Variants in OSBPL9 observed in about 807,000 individuals in gnomAD.
OSBPL9 encodes the protein oxysterol binding protein like 9.
A neutral mutation model predicts 106.6 loss-of-function variants in OSBPL9; 40 were observed. The observed-to-expected ratio is 0.38, with a 90% CI of 0.29 to 0.49. The LOEUF (loss-of-function observed/expected upper bound fraction) is 0.49, where lower values mean the gene tolerates loss of function less well. Ranked by LOEUF, OSBPL9 falls within the 20% of genes least tolerant of loss-of-function variation. The pLI, the probability that OSBPL9 is intolerant of heterozygous loss-of-function variation, is 0.97. For synonymous variants in OSBPL9, 269 were observed against 295.4 expected, an observed-to-expected ratio of 0.91 and a Z score of 0.92; for missense variants, 609 against 887.2, an observed-to-expected ratio of 0.69 and a Z score of 3.98.
chr1:51,637,059 A>T (rs1228597690), intron 1 of OSBPL9, among the ~76,000 whole-genome samples: 1 of 152,208 alleles, frequency 6.6e-6, no homozygotes, highest in Non-Finnish European at 1.5e-5. Context: ...GACTTAAATT[A>T]ACCAGGTTTA....
At chr1:51,577,150 A>G (rs1424694515), upstream of OSBPL9, 1 of 151,800 alleles carries the variant, frequency 6.6e-6, no homozygotes, top group East Asian at 1.9e-4. Context: ...TCACCATGTG[A>G]CGTACCTGCT....
intron 4 of OSBPL9, among the ~76,000 whole-genome samples, chr1:51,732,380 T>G (rs978992026): frequency 6.6e-6 from 1 of 152,184 alleles, no homozygotes. Context: ...GAAAAAAGAC[T>G]TTGTGATTAC....
At chr1:51,676,923 A>C (rs74703515) in intron 3 of OSBPL9, among the ~76,000 whole-genome samples, 8 of 152,322 alleles carry the variant, frequency 5.3e-5, no homozygotes, top group Non-Finnish European at 1.0e-4. Context: ...GCTACTACCA[A>C]ATATCTGTTA....
Position 51,588,159 on chromosome 1 carries a change from G to A in OSBPL9, c.-422-9965G>A, listed in dbSNP as rs1645256846. On this transcript the variant is annotated intron_variant, in intron 1 of 25. Coordinates refer to the OSBPL9 transcript ENST00000371714. ...GCACTTTGGGAGGCCGAGGTGGGCA[G>A]GTCACCTGAGGTCAGGAGTTCGAGA... Among the ~76,000 whole-genome samples, 3 of 152,152 alleles carry A rather than the reference G, an allele frequency of 2.0e-5. No individual in the cohort carries two copies. The South Asian group carries it at 6.2e-4, about 31-fold the overall frequency.
chr1:51,602,672 CTGGG>C (rs1645330369), intron 2 of OSBPL9, among the ~76,000 whole-genome samples: 1 of 151,956 alleles, frequency 6.6e-6, no homozygotes, highest in African/African-American at 2.4e-5. Flanking sequence ...TCTCAAACTC[CTGGG>C]CTCAAGGGAT....
At chr1:51,710,651 T>A (rs957002425) in intron 3 of OSBPL9, among the ~76,000 whole-genome samples, 13 of 152,254 alleles carry the variant, frequency 8.5e-5, no homozygotes, top group African/African-American at 2.9e-4. Flanking sequence ...GAATTCTAAA[T>A]TGACAGTTAC....
At chr1:51,531,425 G>C in the OSBPL9 span, among the ~76,000 whole-genome samples, 2 of 152,292 alleles carry the variant, frequency 1.3e-5, no homozygotes, top group East Asian at 3.9e-4. Context: ...TTGGTGGTGA[G>C]AGGTGGTAAG....
At chr1:51,741,942 A>G (rs1453471025) in intron 4 of OSBPL9, among the ~76,000 whole-genome samples, 1 of 152,208 alleles carries the variant, frequency 6.6e-6, no homozygotes, top group Non-Finnish European at 1.5e-5. Context: ...CCCTTCAGTT[A>G]CTACTGAAGG....
rs1194828849 is a variant in OSBPL9, at chr1:51,685,483, CT to C, written c.241+15972del. 6.6e-5 allele frequency among the ~76,000 whole-genome samples: 10 copies of C among 152,192 alleles called. No individual in the cohort carries two copies. The South Asian group carries it at 2.1e-3, about 32-fold the overall frequency. Reference sequence around the variant, plus strand: ...AGTATAGTGGCATGATCTTGGCTCACTGCAACCTCCACCTCCAGGGTTCAAG... The same window carrying C: ...AGTATAGTGGCATGATCTTGGCTCACGCAACCTCCACCTCCAGGGTTCAAG... On this transcript the variant is annotated intron_variant, in intron 3 of 23. Transcript: ENST00000428468.
chr1:51,652,580 A>G (rs1646583365), intron 2 of OSBPL9, among the ~76,000 whole-genome samples: 1 of 152,244 alleles, frequency 6.6e-6, no homozygotes, highest in Non-Finnish European at 1.5e-5. Flanking sequence ...AAATATTGTT[A>G]TTTTAACATG....
At chr1:51,580,838 C>T (rs562994704) in intron 1 of OSBPL9, among the ~76,000 whole-genome samples, 103 of 136,812 alleles carry the variant, frequency 7.5e-4, no homozygotes, top group Non-Finnish European at 1.3e-3. Flanking sequence ...TGATACCTAC[C>T]GCTCAGAGAT....
At chr1:51,683,877 T>C (rs1272443798) in intron 3 of OSBPL9, among the ~76,000 whole-genome samples, 3 of 152,092 alleles carry the variant, frequency 2.0e-5, no homozygotes, top group Non-Finnish European at 4.4e-5. Flanking sequence ...ACTTTAAAAA[T>C]TGAACTTATA....
intron 4 of OSBPL9, among the ~76,000 whole-genome samples, chr1:51,720,166 T>G (rs1359198958): frequency 6.6e-6 from 1 of 152,208 alleles, no homozygotes; most frequent in Non-Finnish European, 1.5e-5. Context: ...TTAAGGTTGT[T>G]ACTAAGCTGA....
chr1:51,635,980 T>C (rs1235065906), intron 1 of OSBPL9, among the ~76,000 whole-genome samples: 1 of 152,034 alleles, frequency 6.6e-6, no homozygotes, highest in African/African-American at 2.4e-5. Flanking sequence ...TATTTGTTTG[T>C]TGTACTATAG....
rs2149167243 is a variant in OSBPL9, at chr1:51,786,628, ATTG to A, written c.2000+14_2000+16del. The stretch of plus-strand genomic sequence containing the variant: ...GTATGAATCCCGCAGGTAAGCCGAC[ATTG>A]TTAAGTGGAACTATTGCTGCAGTGC... On this transcript the variant is annotated intron_variant, in intron 22 of 23. Coordinates refer to ENST00000428468, the MANE Select transcript of OSBPL9 (RefSeq NM_024586.6). 1 of 1,602,440 alleles carries A rather than the reference ATTG, an allele frequency of 6.2e-7. No individual in the cohort carries two copies. Among genetic ancestry groups the A allele is most frequent in the Non-Finnish European group, 8.5e-7 (1 of 1,169,926 alleles).
chr1:51,780,631 G>A (rs1405945291), intron 15 of OSBPL9, among the ~76,000 whole-genome samples: 1 of 152,168 alleles, frequency 6.6e-6, no homozygotes, highest in Non-Finnish European at 1.5e-5. Context: ...AACCAAGCTG[G>A]TGGCAAGCAC....
At chr1:51,640,715 A>G (rs1422217633) in intron 1 of OSBPL9, among the ~76,000 whole-genome samples, 1 of 152,160 alleles carries the variant, frequency 6.6e-6, no homozygotes, top group Non-Finnish European at 1.5e-5. Flanking sequence ...TTGAGCAGAC[A>G]TTTATCTATT....
intron 4 of OSBPL9, among the ~76,000 whole-genome samples, chr1:51,714,588 A>C (rs1660691887): frequency 6.6e-6 from 1 of 152,216 alleles, no homozygotes; most frequent in African/African-American, 2.4e-5. Flanking sequence ...AATTCATGTC[A>C]TGAGGACTCA....
intron 9 of OSBPL9, among the ~76,000 whole-genome samples, chr1:51,757,928 G>T (rs1670681850): frequency 6.6e-6 from 1 of 152,144 alleles, no homozygotes; most frequent in South Asian, 2.1e-4. Flanking sequence ...GTATGTGTAT[G>T]TGCAATACAT....
Sources: gnomAD v4.1 joint callset for allele counts (sites outside exome capture counted in the v4.1 genomes callset) on GRCh38, gnomAD v4.1.1 for gene constraint, MANE v1.5 for transcripts, NCBI Gene and HGNC (gene_info 2026-07-23, HGNC 2026-07-21) for gene names.